OPHN1: variants seen among roughly 807,000 people sequenced by gnomAD.
OPHN1 encodes oligophrenin-1.
A neutral mutation model predicts 60.7 loss-of-function variants in OPHN1; 11 were observed. That is an observed-to-expected ratio of 0.18 (90% confidence interval 0.11 to 0.30). OPHN1 has a LOEUF of 0.30. OPHN1 is among the 10% of genes least tolerant of loss of function. OPHN1 has a pLI of 1.00. For synonymous variants in OPHN1, 226 were observed against 222.6 expected (o/e 1.02, Z -0.14); for missense variants, 449 against 611.0 (o/e 0.73, Z 2.80).
chrX:68,404,547 A>G (rs983910060), intron 2 of OPHN1, among the ~76,000 whole-genome samples: 2 of 111,629 alleles, frequency 1.8e-5, no homozygotes, highest in African/African-American at 6.5e-5. Context: ...TCAAAGGTGT[A>G]TTTGCACACT....
chrX:68,407,150 G>T (rs2078747338), intron 2 of OPHN1, among the ~76,000 whole-genome samples: 1 of 112,670 alleles, frequency 8.9e-6, no homozygotes, highest in African/African-American at 3.2e-5. Flanking sequence ...GTTGCAGTGA[G>T]CCCAGATCAT....
At chrX:68,224,259 A>C (rs989645942) in intron 6 of OPHN1, among the ~76,000 whole-genome samples, 3 of 112,194 alleles carry the variant, frequency 2.7e-5, no homozygotes, top group Non-Finnish European at 5.6e-5. Flanking sequence ...ATACAATTAG[A>C]CCACAATTAA....
intron 2 of OPHN1, among the ~76,000 whole-genome samples, chrX:68,332,382 T>C (rs768093876): frequency 5.4e-5 from 6 of 111,700 alleles, no homozygotes; most frequent in Non-Finnish European, 9.4e-5. Context: ...CCAGTGCTTA[T>C]TGCTTGCTGT....
rs527321780 is a variant in OPHN1 at position 68,263,360 on chromosome X, C to A, written c.384+11378G>T. 4.5e-5 allele frequency among the ~76,000 whole-genome samples: 5 copies of A among 111,660 alleles called. No individual in the cohort carries two copies. The South Asian group carries it at 1.9e-3, about 42-fold the overall frequency. On this transcript the variant is annotated intron_variant, in intron 5 of 24. Coordinates refer to ENST00000355520, the MANE Select transcript of OPHN1 (RefSeq NM_002547.3). ...CTTGGGAAACACTCAATGTTCAACA[C>A]CCCTATCCCTCTGTTCCTGCCTCAT... is the stretch of plus-strand genomic sequence containing the variant.
At chrX:68,249,425 C>T (rs2077822655) in intron 5 of OPHN1, among the ~76,000 whole-genome samples, 1 of 111,851 alleles carries the variant, frequency 8.9e-6, no homozygotes, top group Non-Finnish European at 1.9e-5. Flanking sequence ...GAGCAGCTGG[C>T]TGGGCCCAAT....
intron 19 of OPHN1, among the ~76,000 whole-genome samples, chrX:68,075,613 G>A (rs2076950447): frequency 9.0e-6 from 1 of 110,705 alleles, no homozygotes; most frequent in Non-Finnish European, 1.9e-5. Context: ...CAACAATTAA[G>A]ACAGTGTGGC....
rs191336274 is a variant in OPHN1 at position 68,219,642 on chromosome X, A to T, written c.487-5670T>A. 6.3e-3 allele frequency among the ~76,000 whole-genome samples: 704 copies of T among 111,522 alleles called. 27 individuals carry two copies. The highest frequency in any genetic ancestry group is 0.06 in the Admixed American group (623 of 10,431). ...TTACGAATCTCACTCAAAACCACTC[A>T]ACTACATGGAAACTGAACAACTTGC... is the stretch of plus-strand genomic sequence containing the variant. On this transcript the variant is annotated intron_variant, in intron 6 of 24. Coordinates refer to ENST00000355520, the MANE Select transcript of OPHN1 (RefSeq NM_002547.3).
intron 2 of OPHN1, among the ~76,000 whole-genome samples, chrX:68,304,484 C>T (rs1319463192): frequency 9.1e-6 from 1 of 110,081 alleles, no homozygotes; most frequent in African/African-American, 3.3e-5. Context: ...AAATCTCTTG[C>T]CCATTTTATA....
intron 15 of OPHN1, among the ~76,000 whole-genome samples, chrX:68,135,179 G>A (rs1718774784): frequency 8.9e-6 from 1 of 111,752 alleles, no homozygotes; most frequent in Non-Finnish European, 1.9e-5. Context: ...ATTCACGTTC[G>A]AAGATTCCTT....
intron 6 of OPHN1, among the ~76,000 whole-genome samples, chrX:68,229,001 A>G (rs967534834): frequency 9.0e-6 from 1 of 111,555 alleles, no homozygotes; most frequent in Non-Finnish European, 1.9e-5. Flanking sequence ...ATGATTGAAT[A>G]TTTAGAAAAC....
intron 6 of OPHN1, among the ~76,000 whole-genome samples, chrX:68,232,496 G>A: frequency 8.9e-6 from 1 of 111,812 alleles, no homozygotes; most frequent in Non-Finnish European, 1.9e-5. Context: ...AAGCTCATAA[G>A]AGAATGAGTA....
chrX:68,074,948 T>C (rs1490888275), intron 19 of OPHN1, among the ~76,000 whole-genome samples: 2 of 112,391 alleles, frequency 1.8e-5, no homozygotes, highest in Admixed American at 1.9e-4. Flanking sequence ...TAACTACTAC[T>C]ACTAAAATAC....
chrX:68,379,041 G>A (rs1471964366), intron 2 of OPHN1, among the ~76,000 whole-genome samples: 5 of 110,519 alleles, frequency 4.5e-5, no homozygotes, highest in Admixed American at 1.9e-4. Flanking sequence ...CCATTTTCAC[G>A]ATATTGATTC....
intron 2 of OPHN1, among the ~76,000 whole-genome samples, chrX:68,317,034 C>T (rs750780646): frequency 1.8e-5 from 2 of 110,384 alleles, no homozygotes; most frequent in African/African-American, 6.6e-5. Context: ...CACGGTGGCA[C>T]AAGCCTGTAA....
chrX:68,146,585 T>C (rs563724190), intron 15 of OPHN1, among the ~76,000 whole-genome samples: 1 of 112,682 alleles, frequency 8.9e-6, no homozygotes, highest in African/African-American at 3.2e-5. Context: ...AAAAGTATCC[T>C]GGCTCCACCT....
Position 68,383,330 on chromosome X carries a change from G to A in OPHN1, c.154+49537C>T, listed in dbSNP as rs548010625. Among the ~76,000 whole-genome samples, 9 of 110,348 alleles carry A rather than the reference G, an allele frequency of 8.2e-5. No homozygotes were observed. The East Asian group carries it at 8.7e-4, about 11-fold the overall frequency. ...TGTTTGGCTGGGCGTGGTGGCTCAC[G>A]CCTACAATCTCAGCACTTTAGGAGG... On this transcript the variant is annotated intron_variant, in intron 2 of 24. Coordinates refer to ENST00000355520, the MANE Select transcript of OPHN1 (RefSeq NM_002547.3).
intron 2 of OPHN1, among the ~76,000 whole-genome samples, chrX:68,351,916 G>A (rs1185225579): frequency 1.2e-5 from 1 of 82,082 alleles, no homozygotes. Flanking sequence ...TTGCTCTGTC[G>A]CCCAGGCTGG....
chrX:68,169,378 G>T (rs1277181884), intron 15 of OPHN1, among the ~76,000 whole-genome samples: 18 of 111,030 alleles, frequency 1.6e-4, no homozygotes, highest in Non-Finnish European at 1.9e-5. Context: ...TAGATTTAAT[G>T]CCATCCCCAT....
rs113021225 is a variant in OPHN1, at chrX:68,071,311, G to A, written c.1834+1841C>T. 1.6e-4 allele frequency: 122 copies of A among 763,245 alleles called. No individual in the cohort carries two copies. The African/African-American group carries it at 1.8e-3, about 11-fold the overall frequency. The allele number at this position is 763,245 out of a possible 1,213,427, so 62.9% of individuals were successfully genotyped here. ...ATTGACATGCACATTCCCTAGCTTGGAAAGTGAAGCTCGGAAAGCTTCTAT... is the reference window on the plus strand; with the variant it reads ...ATTGACATGCACATTCCCTAGCTTGAAAAGTGAAGCTCGGAAAGCTTCTAT... On this transcript the variant is annotated intron_variant, in intron 20 of 24. Coordinates refer to ENST00000355520, the MANE Select transcript of OPHN1 (RefSeq NM_002547.3).
Sources: allele counts gnomAD v4.1 joint callset (sites outside exome capture counted in the v4.1 genomes callset), GRCh38; gene constraint gnomAD v4.1.1; transcripts MANE v1.5; gene names NCBI Gene and HGNC (gene_info 2026-07-23, HGNC 2026-07-21).